KIFAP3: variants seen among roughly 807,000 people sequenced by gnomAD.
The protein encoded by KIFAP3 is kinesin-associated protein 3.
KIFAP3 carries 68 observed loss-of-function variants against 106.5 expected under a neutral mutation model. The ratio of observed to expected loss-of-function variants is 0.64; its 90% CI spans 0.53 to 0.78. The LOEUF (loss-of-function observed/expected upper bound fraction) is 0.78, where lower values mean the gene tolerates loss of function less well. Among genes scored for constraint, KIFAP3 ranks in the 30% least tolerant of loss-of-function variants. The pLI, the probability that KIFAP3 is intolerant of heterozygous loss-of-function variation, is 0.00. For missense variants in KIFAP3, 780 were observed against 941.8 expected, an observed-to-expected ratio of 0.83 and a Z score of 2.25; for synonymous variants, 320 against 311.5, an observed-to-expected ratio of 1.03 and a Z score of -0.29.
intron 11 of KIFAP3, among the ~76,000 whole-genome samples, chr1:169,991,243 A>G (rs1015274278): frequency 2.0e-5 from 3 of 152,070 alleles, no homozygotes; most frequent in African/African-American, 7.2e-5. Context: ...GCTACCCAGG[A>G]GGCTGAGGCA....
intron 3 of KIFAP3, among the ~76,000 whole-genome samples, chr1:170,044,399 T>G (rs1259264414): frequency 2.0e-5 from 3 of 152,182 alleles, no homozygotes; most frequent in Non-Finnish European, 2.9e-5. Flanking sequence ...AAATTCTCCA[T>G]GTGATAGCCT....
At chr1:170,049,716 G>A (rs1482328248) in intron 2 of KIFAP3, among the ~76,000 whole-genome samples, 2 of 152,044 alleles carry the variant, frequency 1.3e-5, no homozygotes, top group East Asian at 3.9e-4. Flanking sequence ...TGGAATTGCA[G>A]CACACTGCAG....
intron 2 of KIFAP3, among the ~76,000 whole-genome samples, chr1:170,047,792 G>C (rs1430334685): frequency 6.6e-6 from 1 of 152,038 alleles, no homozygotes; most frequent in Non-Finnish European, 1.5e-5. Context: ...AACCCATTAA[G>C]AAACCATTAT....
intron 2 of KIFAP3, among the ~76,000 whole-genome samples, chr1:170,052,919 T>C (rs1370451985): frequency 6.6e-6 from 1 of 152,192 alleles, no homozygotes; most frequent in Non-Finnish European, 1.5e-5. Context: ...AGGATTCCCT[T>C]TGAAAACCAT....
intron 1 of KIFAP3, 44 bp from the exon 2 acceptor site, chr1:170,055,480 A>C: frequency 6.7e-7 from 1 of 1,485,348 alleles, no homozygotes; most frequent in Non-Finnish European, 9.0e-7. Context: ...TAAAATTCTC[A>C]AAGTGGCCAT....
At position 170,046,863 on chromosome 1, in the gene KIFAP3, A is replaced by G. The variant is rs763050783; in HGVS notation, c.168T>C (p.Ile56=). ...TGTTGGCATTGAGACTCTTAAGTCG[A>G]ATGCTGTAAGTATAACAGAATTTTT... ...LGERKECQKI[I]RLKSLNANTD... is the part of the protein sequence containing the mutation. The change falls in exon 3 of 20, where the codon ATT becomes ATC. Residue 56 remains isoleucine, a synonymous_variant. Transcript: ENST00000361580. 1 of 1,598,476 alleles carries G rather than the reference A, an allele frequency of 6.3e-7. No homozygotes were observed. Among genetic ancestry groups the G allele is most frequent in the East Asian group, 2.3e-5 (1 of 44,216 alleles).
chr1:169,956,468 C>T (rs376241206), intron 18 of KIFAP3, among the ~76,000 whole-genome samples: 5 of 151,636 alleles, frequency 3.3e-5, no homozygotes, highest in East Asian at 3.9e-4. Context: ...AGAAAATGGG[C>T]GATCATCAAA....
At chr1:170,002,098 T>C (rs775097868) in intron 10 of KIFAP3, among the ~76,000 whole-genome samples, 1 of 152,168 alleles carries the variant, frequency 6.6e-6, no homozygotes, top group Non-Finnish European at 1.5e-5. Context: ...GTATCTGCTC[T>C]GGTGATCTCC....
chr1:170,074,727 C>G (rs749884905), upstream of KIFAP3: 41 of 1,366,186 alleles, frequency 3.0e-5, no homozygotes, highest in Non-Finnish European at 3.7e-5. Flanking sequence ...TGCGCTTGCT[C>G]TGCACCTCTT....
chr1:170,047,449 G>A (rs1670315236), intron 2 of KIFAP3, among the ~76,000 whole-genome samples: 1 of 151,684 alleles, frequency 6.6e-6, no homozygotes, highest in Non-Finnish European at 1.5e-5. Flanking sequence ...GTGAAACCCT[G>A]TCTCTACTAA....
At chr1:169,940,798 C>T (rs2101809230) in intron 19 of KIFAP3, among the ~76,000 whole-genome samples, 1 of 152,224 alleles carries the variant, frequency 6.6e-6, no homozygotes, top group East Asian at 1.9e-4. Context: ...TTGTGTATGT[C>T]ACTGAAGTCA....
At chr1:170,005,482 A>T (rs1025375385) in intron 10 of KIFAP3, among the ~76,000 whole-genome samples, 1 of 152,034 alleles carries the variant, frequency 6.6e-6, no homozygotes, top group African/African-American at 2.4e-5. Flanking sequence ...GATAGACTGG[A>T]TTAAGAAAAT....
chr1:169,991,953 AATAGTT>A (rs1406082223), intron 11 of KIFAP3, among the ~76,000 whole-genome samples, 196 bp downstream of exon 11: 1 of 152,044 alleles, frequency 6.6e-6, no homozygotes, highest in Non-Finnish European at 1.5e-5. Context: ...CAAAGTGTTA[AATAGTT>A]ATCTCTAAGT....
At chr1:169,974,584 A>C in intron 16 of KIFAP3, among the ~76,000 whole-genome samples, 1 of 152,048 alleles carries the variant, frequency 6.6e-6, no homozygotes, top group Non-Finnish European at 1.5e-5. Context: ...TATATAGAAT[A>C]ATGTATTTGT....
At chr1:170,051,979 A>G (rs1250976530) in intron 2 of KIFAP3, among the ~76,000 whole-genome samples, 1 of 152,178 alleles carries the variant, frequency 6.6e-6, no homozygotes, top group Non-Finnish European at 1.5e-5. Flanking sequence ...GCAGAAGACA[A>G]GAAATAACTA....
At position 169,984,694 on chromosome 1, in the gene KIFAP3, G is replaced by C; in HGVS notation, c.1285-4C>G. 6.5e-7 allele frequency: 1 copy of C among 1,533,830 alleles called. No individual in the cohort carries two copies. Among genetic ancestry groups the C allele is most frequent in the Non-Finnish European group, 9.0e-7 (1 of 1,112,332 alleles). ...ATTCAAACAGCATCTTCATTAACTA[G>C]CAAGAAGCACAGGGCACATTTTACT... On this transcript the variant is annotated splice_region_variant and splice_polypyrimidine_tract_variant and intron_variant, in intron 11 of 19. Transcript: ENST00000361580.
chr1:170,001,886 A>AT (rs1667687271), intron 10 of KIFAP3, among the ~76,000 whole-genome samples: 1 of 152,106 alleles, frequency 6.6e-6, no homozygotes, highest in African/African-American at 2.4e-5. Context: ...ATAAAGTTTC[A>AT]TTTTTTCATT....
At chr1:170,073,649 C>G (rs1403034662) in intron 1 of KIFAP3, among the ~76,000 whole-genome samples, 1 of 152,018 alleles carries the variant, frequency 6.6e-6, no homozygotes, top group Non-Finnish European at 1.5e-5. Context: ...TGAATCAGTA[C>G]TGAATTAAAA....
At position 170,046,756 on chromosome 1, in the gene KIFAP3, A is replaced by G; in HGVS notation, c.275T>C (p.Leu92Pro). Residue 92 changes from leucine to proline, a missense_variant, in exon 3 of 20, where the codon CTG (leucine) becomes CCG (proline). This residue lies in a region of KIFAP3 where 588 missense variants were observed against 678.9 expected (regional missense o/e 0.87). Coordinates refer to ENST00000361580, the MANE Select transcript of KIFAP3 (RefSeq NM_014970.4). ...HPSKLNEVEQ[L>P]LYYLQNRRDS... ...ACGGCGGTTCTGTAGATAGTACAAC[A>G]GCTGTTCTACCTCATTTAGTTTTGA... 6.2e-7 allele frequency: 1 copy of G among 1,605,886 alleles called. No individual in the cohort carries two copies. The highest frequency in any genetic ancestry group is 8.5e-7 in the Non-Finnish European group (1 of 1,175,920).
Sources: allele counts gnomAD v4.1 joint callset (sites outside exome capture counted in the v4.1 genomes callset), GRCh38; gene constraint gnomAD v4.1.1; regional missense constraint gnomAD v4.1.1; transcripts MANE v1.5; gene names NCBI Gene and HGNC (gene_info 2026-07-23, HGNC 2026-07-21).